The following PITPNM2 variants were observed in gnomAD, a reference collection of about 807,000 sequenced individuals.
PITPNM2 encodes the protein phosphatidylinositol transfer protein membrane associated 2, also known as membrane-associated phosphatidylinositol transfer protein 2.
PITPNM2 carries 35 observed loss-of-function variants against 132.2 expected under a neutral mutation model. The ratio of observed to expected loss-of-function variants is 0.26; its 90% CI spans 0.20 to 0.35. PITPNM2 has a LOEUF of 0.35. Among genes scored for constraint, PITPNM2 ranks in the 10% least tolerant of loss-of-function variants. The probability of loss-of-function intolerance (pLI) is 1.00; values close to 1 mark genes in which losing one functional copy is unlikely to be tolerated. For synonymous variants in PITPNM2, 738 were observed against 799.2 expected, an observed-to-expected ratio of 0.92 and a Z score of 1.29; for missense variants, 1,332 against 1,912.0, an observed-to-expected ratio of 0.70 and a Z score of 5.66.
intron 2 of PITPNM2, among the ~76,000 whole-genome samples, chr12:123,048,445 G>A (rs1008547197): frequency 4.0e-5 from 6 of 150,238 alleles, no homozygotes; most frequent in East Asian, 3.9e-4. Flanking sequence ...TCGCTCTGTC[G>A]CCCAGGCCGG....
intron 2 of PITPNM2, chr12:123,088,799 AG>A (rs1329261575): frequency 1.3e-5 from 2 of 152,218 alleles, no homozygotes; most frequent in Non-Finnish European, 2.9e-5. Flanking sequence ...CCATCTGAGT[AG>A]GCCCTAAAGT....
At chr12:122,988,657 T>C (rs1566229352) in intron 19 of PITPNM2, 67 bp downstream of exon 19, 1 of 1,470,526 alleles carries the variant, frequency 6.8e-7, no homozygotes, top group South Asian at 1.3e-5. Flanking sequence ...CCCTCGTCTG[T>C]GAAATGTGGC....
chr12:123,078,532 C>T lies in PITPNM2; in HGVS notation c.-96+31853G>A, dbSNP rs941269831. On this transcript the variant is annotated intron_variant, in intron 2 of 25. Coordinates refer to ENST00000320201, the MANE Select transcript of PITPNM2 (RefSeq NM_020845.3). The surrounding 1 kb of genome is among the most constrained non-coding windows in gnomAD (Gnocchi z 7.3). ...ACCCTCTCCCCGGGCTTAGGTGATA[C>T]CTTGTGTTAGGGGAGGCGTTGTGGA... Among the ~76,000 whole-genome samples, 1 of 152,198 alleles carries T rather than the reference C, an allele frequency of 6.6e-6. No individual in the cohort carries two copies. Among genetic ancestry groups the T allele is most frequent in the African/African-American group, 2.4e-5 (1 of 41,450 alleles).
chr12:122,987,898 C>A lies in PITPNM2; in HGVS notation c.3001G>T (p.Val1001Leu). 6.2e-7 allele frequency: 1 copy of A among 1,609,706 alleles called. No individual in the cohort carries two copies. The highest frequency in any genetic ancestry group is 1.1e-5 in the South Asian group (1 of 90,438). Residue 1001 changes from valine to leucine, a missense_variant, in exon 21 of 26, where the codon GTG becomes TTG. By Grantham distance (32) the Val-to-Leu change is conservative (BLOSUM62 1). This residue lies in a region of PITPNM2 where 251 missense variants were observed against 472.0 expected (regional missense o/e 0.53). Transcript: ENST00000320201. ...TCATTGATCCGGTGGTTGGCCGTCA[C>A]GTTCTGTGGAGGGAGTGGCAAGCCC... Reference protein sequence around the residue: ...RKRTHVKLRNVTANHRINDAL... With the variant: ...RKRTHVKLRNLTANHRINDAL...
intron 8 of PITPNM2, among the ~76,000 whole-genome samples, 178 bp from the exon 9 acceptor site, chr12:123,001,336 A>G (rs2038669190): frequency 6.6e-6 from 1 of 152,230 alleles, no homozygotes; most frequent in African/African-American, 2.4e-5. Context: ...TAACATTCAC[A>G]TAAGAAAAGT....
At chr12:123,093,965 C>G (rs1045743857) in intron 2 of PITPNM2, among the ~76,000 whole-genome samples, 1 of 152,238 alleles carries the variant, frequency 6.6e-6, no homozygotes, top group Non-Finnish European at 1.5e-5. Flanking sequence ...AGGGACAAAG[C>G]TGGGGATCCC....
intron 2 of PITPNM2, among the ~76,000 whole-genome samples, chr12:123,045,366 C>A (rs888092420): frequency 6.6e-6 from 1 of 152,228 alleles, no homozygotes; most frequent in East Asian, 1.9e-4. Context: ...TGACCACCCC[C>A]ACTCCACTGA....
In PITPNM2 at chr12:122,990,660, G is replaced by C. The variant is rs752094341; in HGVS notation, c.2454C>G (p.Pro818=). ...HNAAFQEHGA[P]SSPGTAPASR... is the part of the protein sequence containing the mutation. The stretch of plus-strand genomic sequence containing the variant: ...TGGCAGGGGCAGTGCCCGGCGAGGA[G>C]GGGGCGCCATGCTCTTGGAAGGCTG... The change falls in exon 17 of 26, where the codon CCC becomes CCG. Residue 818 remains proline, a synonymous_variant. Coordinates refer to ENST00000320201, the MANE Select transcript of PITPNM2 (RefSeq NM_020845.3). The C allele has an allele frequency of 8.7e-6, 14 of 1,611,686 alleles. No individual in the cohort carries two copies. The Admixed American group carries it at 1.0e-4, about 12-fold the overall frequency.
chr12:123,121,818 T>C (rs1406671295), intron 1 of PITPNM2, among the ~76,000 whole-genome samples: 2 of 152,014 alleles, frequency 1.3e-5, no homozygotes, highest in Non-Finnish European at 2.9e-5. Context: ...TCCCTGAGAT[T>C]ACAGGCTTGG....
intron 1 of PITPNM2, among the ~76,000 whole-genome samples, chr12:123,120,573 G>T (rs2043015054): frequency 6.6e-6 from 1 of 152,224 alleles, no homozygotes; most frequent in African/African-American, 2.4e-5. Flanking sequence ...CCTGGCCAGT[G>T]AGAGTGAGCT....
intron 2 of PITPNM2, among the ~76,000 whole-genome samples, chr12:123,105,689 C>T (rs1271364307): frequency 6.6e-6 from 1 of 152,144 alleles, no homozygotes; most frequent in African/African-American, 2.4e-5. Flanking sequence ...GCCGTCATGC[C>T]TCCAGCTGCC....
chr12:123,121,097 C>G (rs1437419540), intron 1 of PITPNM2, among the ~76,000 whole-genome samples: 1 of 152,238 alleles, frequency 6.6e-6, no homozygotes, highest in Non-Finnish European at 1.5e-5. Context: ...GGCTCCAGCC[C>G]TCAGAGGCCT....
chr12:123,068,252 A>G lies in PITPNM2; in HGVS notation c.-95-33567T>C, dbSNP rs376411693. ...GGAGGCCAAGGTGGGCGGATCACAA[A>G]GTCAGGAGATCGAGAACATCCTGGC... On this transcript the variant is annotated intron_variant, in intron 2 of 25. Transcript: ENST00000320201. Among the ~76,000 whole-genome samples the G allele has an allele frequency of 4.8e-4, 73 of 152,096 alleles. 1 individual carries two copies. The East Asian group carries it at 0.012, about 25-fold the overall frequency.
At chr12:123,127,888 C>T (rs1593030067) in intron 1 of PITPNM2, among the ~76,000 whole-genome samples, 2 of 152,174 alleles carry the variant, frequency 1.3e-5, no homozygotes, top group South Asian at 4.1e-4. Flanking sequence ...GGATTACAGG[C>T]ATGAGCCACC....
intron 6 of PITPNM2, chr12:123,007,429 C>CA: frequency 4.4e-6 from 2 of 456,200 alleles, no homozygotes; most frequent in Non-Finnish European, 8.8e-6. Context: ...GGGGACAAAC[C>CA]TGGGAGAAGC....
chr12:123,145,943 T>C (rs2043606178), intron 1 of PITPNM2, among the ~76,000 whole-genome samples: 1 of 152,196 alleles, frequency 6.6e-6, no homozygotes, highest in African/African-American at 2.4e-5. Flanking sequence ...AAATGTGGTA[T>C]ATATACACAT....
rs2040210888 is a variant in PITPNM2 at position 123,034,690 on chromosome 12, G to A, written c.-95-5C>T. 2 of 988,224 alleles carry A rather than the reference G, an allele frequency of 2.0e-6. No homozygotes were observed. The highest frequency in any genetic ancestry group is 1.4e-5 in the South Asian group (1 of 73,998). 61.2% of individuals were successfully genotyped at this position (988,224 alleles called of 1,614,324 possible). On this transcript the variant is annotated splice_region_variant and splice_polypyrimidine_tract_variant and intron_variant, in intron 2 of 25. Transcript: ENST00000320201. ...GACAAAATTCACCAAGGACCCCTGGGAGACAGAGAGGACAGAACAGAACAG... is the reference window on the plus strand; with the variant it reads ...GACAAAATTCACCAAGGACCCCTGGAAGACAGAGAGGACAGAACAGAACAG...
intron 25 of PITPNM2, 32 bp from the exon 26 acceptor site, chr12:122,986,382 C>A: frequency 6.4e-7 from 1 of 1,572,202 alleles, no homozygotes; most frequent in South Asian, 1.2e-5. Context: ...CTGTCACAGG[C>A]TGGGGCTCCC....
At chr12:123,129,294 C>T (rs934280449) in intron 1 of PITPNM2, among the ~76,000 whole-genome samples, 3 of 151,928 alleles carry the variant, frequency 2.0e-5, no homozygotes, top group East Asian at 1.9e-4. Context: ...ATAGGCCGGG[C>T]GTGGTGGCTC....
Sources: allele counts gnomAD v4.1 joint callset (sites outside exome capture counted in the v4.1 genomes callset), GRCh38; gene constraint gnomAD v4.1.1; regional missense constraint gnomAD v4.1.1; non-coding constraint Gnocchi (gnomAD v3.1); transcripts MANE v1.5; gene names NCBI Gene and HGNC (gene_info 2026-07-23, HGNC 2026-07-21).